ANKRD53: variants seen among roughly 807,000 people sequenced by gnomAD.
ANKRD53 encodes ankyrin repeat domain-containing protein 53.
Under a neutral mutation model 30.1 loss-of-function variants are expected in ANKRD53, and 27 were observed. The ratio of observed to expected loss-of-function variants is 0.90; its 90% CI spans 0.66 to 1.24. ANKRD53 has a LOEUF of 1.24. Among genes scored for constraint, ANKRD53 ranks in the 50% most tolerant of loss-of-function variants. ANKRD53 has a pLI of 0.00. For missense variants in ANKRD53, 682 were observed against 721.0 expected, an observed-to-expected ratio of 0.95 and a Z score of 0.62; for synonymous variants, 286 against 295.4, an observed-to-expected ratio of 0.97 and a Z score of 0.33.
At chr2:70,984,535 C>A (rs1266299685) in intron 5 of ANKRD53, 76 bp from the exon 6 acceptor site, 2 of 1,557,182 alleles carry the variant, frequency 1.3e-6, no homozygotes, top group Non-Finnish European at 1.7e-6. Flanking sequence ...CCGAAAGCTA[C>A]AGCCACAGGA....
At position 70,978,961 on chromosome 2, in the gene ANKRD53, C is replaced by T; in HGVS notation, c.171-136C>T. On this transcript the variant is annotated intron_variant, in intron 1 of 5. Coordinates refer to ENST00000360589, the MANE Select transcript of ANKRD53 (RefSeq NM_001115116.2). This position sits in a 1 kb window ranked among gnomAD's most constrained non-coding sequence, Gnocchi z 4.3. ...CAGGCTGGGGCCAGGGATCGCCTCCCGAGAGGTGCCTAGGCCGTGGCCCAG... is the reference window on the plus strand; with the variant it reads ...CAGGCTGGGGCCAGGGATCGCCTCCTGAGAGGTGCCTAGGCCGTGGCCCAG... The T allele has an allele frequency of 6.9e-7, 1 of 1,441,154 alleles. No individual in the cohort carries two copies. Among genetic ancestry groups the T allele is most frequent in the South Asian group, 1.5e-5 (1 of 67,606 alleles). 89.3% of individuals were successfully genotyped at this position (1,441,154 alleles called of 1,614,324 possible). A position where few individuals can be genotyped will look rare whatever the true frequency, so the allele number is the denominator to read the frequency against.
Position 70,981,922 on chromosome 2 carries a change from G to T in ANKRD53, c.618-14G>T. The T allele has an allele frequency of 1.3e-6, 2 of 1,554,996 alleles. No individual in the cohort carries two copies. Among genetic ancestry groups the T allele is most frequent in the Non-Finnish European group, 1.7e-6 (2 of 1,149,142 alleles). ...CCTTTCTGCCCTTATCCCCACTGGT[G>T]GGGCCTTCCACAGTCAGACATGCAA... On this transcript the variant is annotated splice_polypyrimidine_tract_variant and intron_variant, in intron 3 of 5. Coordinates refer to ENST00000360589, the MANE Select transcript of ANKRD53 (RefSeq NM_001115116.2).
intron 3 of ANKRD53, among the ~76,000 whole-genome samples, chr2:70,981,356 CG>C (rs1553423602): frequency 6.6e-6 from 1 of 151,404 alleles, no homozygotes; most frequent in Non-Finnish European, 1.5e-5. Flanking sequence ...AAAAAATAAA[CG>C]GGGTGATGGT....
Position 70,982,887 on chromosome 2 carries a change from C to T in ANKRD53, c.903+190C>T, listed in dbSNP as rs886085690. On this transcript the variant is annotated intron_variant, in intron 5 of 5. Coordinates refer to ENST00000360589, the MANE Select transcript of ANKRD53 (RefSeq NM_001115116.2). The surrounding 1 kb of genome is among the most constrained non-coding windows in gnomAD (Gnocchi z 4.2). ...CTTTTAAATAAGCCAGTCTTTTGGTCAAAAGTCTTATCCTGTGTTAGAAAG... is the reference window on the plus strand; with the variant it reads ...CTTTTAAATAAGCCAGTCTTTTGGTTAAAAGTCTTATCCTGTGTTAGAAAG... Among the ~76,000 whole-genome samples, 7 of 152,156 alleles carry T rather than the reference C, an allele frequency of 4.6e-5. No individual in the cohort carries two copies.
rs1553424453 is a variant in ANKRD53 at position 70,984,887 on chromosome 2, A to G, written c.1180A>G (p.Arg394Gly). Reference protein sequence around the residue: ...TMWNVSNNPARPPTTQISHSQ... With the variant: ...TMWNVSNNPAGPPTTQISHSQ... ...GTGGAATGTTAGCAACAACCCCGCC[A>G]GACCCCCCACCACCCAGATCAGCCA... Residue 394 changes from arginine (R) to glycine (G), a missense_variant, in exon 6 of 6, where the codon AGA (arginine) becomes GGA (glycine). Arg to Gly is a moderately radical substitution (Grantham distance 125). Transcript: ENST00000360589. 6.4e-7 allele frequency: 1 copy of G among 1,550,824 alleles called. No individual in the cohort carries two copies. Among genetic ancestry groups the G allele is most frequent in the South Asian group, 1.2e-5 (1 of 84,052 alleles).
At chr2:70,979,908 C>T in intron 3 of ANKRD53, 48 bp downstream of exon 3, 1 of 1,606,528 alleles carries the variant, frequency 6.2e-7, no homozygotes, top group African/African-American at 1.3e-5. Flanking sequence ...CAGGCACGGG[C>T]ACAGCCCTAC....
At chr2:70,980,010 G>A in intron 3 of ANKRD53, 150 bp downstream of exon 3, 1 of 936,614 alleles carries the variant, frequency 1.1e-6, no homozygotes, top group Non-Finnish European at 1.6e-6. Context: ...GAATCCACAT[G>A]GTGTAATAAA....
chr2:70,981,704 G>A (rs1419134868), intron 3 of ANKRD53, among the ~76,000 whole-genome samples: 1 of 152,222 alleles, frequency 6.6e-6, no homozygotes, highest in Non-Finnish European at 1.5e-5. Flanking sequence ...CCTTCCAGCA[G>A]TTCTTAACTA....
chr2:70,979,315 G>T lies in ANKRD53; in HGVS notation c.389G>T (p.Ser130Ile). 5 of 1,613,618 alleles carry T rather than the reference G, an allele frequency of 3.1e-6. No individual in the cohort carries two copies. Among genetic ancestry groups the T allele is most frequent in the Non-Finnish European group, 4.2e-6 (5 of 1,180,048 alleles). The part of the protein sequence containing the change: ...VEWLRFCLNQ[S>I]LREIPTDDKG... ...TGGCTGCGATTCTGTCTGAACCAGA[G>T]CCTCAGGGAAATCCCCACCGACGAC... The change falls in exon 2 of 6, where the codon AGC becomes ATC. Residue 130 changes from serine to isoleucine, a missense_variant. Ser to Ile is a moderately radical substitution (Grantham distance 142). Transcript: ENST00000360589.
chr2:70,980,609 T>A (rs1454000314), intron 3 of ANKRD53, among the ~76,000 whole-genome samples: 6 of 151,900 alleles, frequency 3.9e-5, no homozygotes, highest in Non-Finnish European at 8.8e-5. Context: ...TCCAATGCAC[T>A]CCAGCCTGGC....
In ANKRD53 at chr2:70,985,360, C is replaced by A. The variant is rs1250712568; in HGVS notation, c.*60C>A. On this transcript the variant is annotated 3_prime_UTR_variant, in exon 6 of 6. Coordinates refer to ENST00000360589, the MANE Select transcript of ANKRD53 (RefSeq NM_001115116.2). Reference sequence around the variant, plus strand: ...CAGTGAAGGCTGAAGTGTGGCAATTCACGTTGTGGGTGGCGAGGAAAGGGG... The same window carrying A: ...CAGTGAAGGCTGAAGTGTGGCAATTAACGTTGTGGGTGGCGAGGAAAGGGG... 1 of 1,457,548 alleles carries A rather than the reference C, an allele frequency of 6.9e-7. No individual in the cohort carries two copies. The highest frequency in any genetic ancestry group is 9.3e-7 in the Non-Finnish European group (1 of 1,080,058). The allele number at this position is 1,457,548 out of a possible 1,614,324, so 90.3% of individuals were successfully genotyped here. A position where few individuals can be genotyped will look rare whatever the true frequency, so the allele number is the denominator to read the frequency against.
chr2:70,983,076 ACT>A, intron 5 of ANKRD53, among the ~76,000 whole-genome samples: 1 of 152,164 alleles, frequency 6.6e-6, no homozygotes, highest in South Asian at 2.1e-4. Flanking sequence ...CTGGGCATTC[ACT>A]CTGTGCTAGG....
At chr2:70,980,565 C>G (rs76988126) in intron 3 of ANKRD53, among the ~76,000 whole-genome samples, 1 of 152,108 alleles carries the variant, frequency 6.6e-6, no homozygotes. Context: ...TCGCTTGAAC[C>G]CGGGAGGTGG....
At position 70,984,763 on chromosome 2, in the gene ANKRD53, C is replaced by T. The variant is rs2104863098; in HGVS notation, c.1056C>T (p.Ser352=). The change falls in exon 6 of 6, where the codon AGC becomes AGT. Residue 352 remains serine, a synonymous_variant. Transcript: ENST00000360589. ...AACGGGAATCGCAGCGTTCCAGGAG[C>T]TTCCACCCCTCTGTGGATGCACGCC... The part of the protein sequence containing the change: ...PEQRESQRSR[S]FHPSVDARLQ... 2.5e-6 allele frequency: 4 copies of T among 1,577,028 alleles called. No homozygotes were observed. The highest frequency in any genetic ancestry group is 1.1e-5 in the South Asian group (1 of 87,622).
chr2:70,979,291 G>A lies in ANKRD53; in HGVS notation c.365G>A (p.Trp122Ter). Residue 122 changes from tryptophan (W) to a stop codon, truncating the protein, a stop_gained, in exon 2 of 6, where the codon TGG becomes TAG. Coordinates refer to ENST00000360589, the MANE Select transcript of ANKRD53 (RefSeq NM_001115116.2). LOFTEE classifies it high-confidence loss of function. ...GCAGCGGCTGTGGGCAACGTGGAAT[G>A]GCTGCGATTCTGTCTGAACCAGAGC... ...LFAAAVGNVE[W>*]LRFCLNQSLR... The A allele has an allele frequency of 6.2e-7, 1 of 1,613,692 alleles. No individual in the cohort carries two copies. The highest frequency in any genetic ancestry group is 8.5e-7 in the Non-Finnish European group (1 of 1,180,046).
In ANKRD53 at chr2:70,978,872, T is replaced by C. The variant is rs533841473; in HGVS notation, c.170+57T>C. 90 of 1,522,562 alleles carry C rather than the reference T, an allele frequency of 5.9e-5. No homozygotes were observed. In the African/African-American group the frequency reaches 8.1e-4, roughly 14 times the overall value. 94.3% of individuals were successfully genotyped at this position (1,522,562 alleles called of 1,614,324 possible). A position where few individuals can be genotyped will look rare whatever the true frequency, so the allele number is the denominator to read the frequency against. Reference sequence around the variant, plus strand: ...GGGAGCGAGAACCCGGCCCAGCGCCTCCCTGGTGGGCAGGGCCTGGAGCGG... The same window carrying C: ...GGGAGCGAGAACCCGGCCCAGCGCCCCCCTGGTGGGCAGGGCCTGGAGCGG... On this transcript the variant is annotated intron_variant, in intron 1 of 5. Coordinates refer to ENST00000360589, the MANE Select transcript of ANKRD53 (RefSeq NM_001115116.2). This position sits in a 1 kb window ranked among gnomAD's most constrained non-coding sequence, Gnocchi z 4.3.
chr2:70,978,611 G>A (rs1553422771), upstream of ANKRD53: 2 of 1,496,666 alleles, frequency 1.3e-6, no homozygotes, highest in African/African-American at 2.9e-5. The surrounding 1 kb of genome is among the most constrained non-coding windows in gnomAD (Gnocchi z 4.3). Context: ...TGTGTGAGTA[G>A]CCCGCCCGGC....
intron 5 of ANKRD53, among the ~76,000 whole-genome samples, chr2:70,983,300 G>C (rs1432632311): frequency 1.3e-5 from 2 of 152,156 alleles, no homozygotes; most frequent in African/African-American, 2.4e-5. Context: ...ATAAAGAGCA[G>C]CCGCATGGAA....
rs1035841364 is a variant in ANKRD53, at chr2:70,982,226, G to A, written c.782+126G>A. 1.5e-5 allele frequency: 17 copies of A among 1,161,140 alleles called. No homozygotes were observed. The highest frequency in any genetic ancestry group is 1.1e-4 in the African/African-American group (7 of 63,828). 71.9% of individuals were successfully genotyped at this position (1,161,140 alleles called of 1,614,324 possible). A position where few individuals can be genotyped will look rare whatever the true frequency, so the allele number is the denominator to read the frequency against. On this transcript the variant is annotated intron_variant, in intron 4 of 5. Transcript: ENST00000360589. This position sits in a 1 kb window ranked among gnomAD's most constrained non-coding sequence, Gnocchi z 4.2. ...GGGAAGCCAGACAGCTGGAGGATGCGCCTACTGCCCAGGATATTTTGGATG... is the reference window on the plus strand; with the variant it reads ...GGGAAGCCAGACAGCTGGAGGATGCACCTACTGCCCAGGATATTTTGGATG...
Sources: allele counts gnomAD v4.1 joint callset (sites outside exome capture counted in the v4.1 genomes callset), GRCh38; gene constraint gnomAD v4.1.1; non-coding constraint Gnocchi (gnomAD v3.1); transcripts MANE v1.5; gene names NCBI Gene and HGNC (gene_info 2026-07-23, HGNC 2026-07-21).